The following VPS13B variants were observed in gnomAD, a reference collection of about 807,000 sequenced individuals.
VPS13B encodes the protein intermembrane lipid transfer protein VPS13B.
A neutral mutation model predicts 426.4 loss-of-function variants in VPS13B; 285 were observed. That is an observed-to-expected ratio of 0.67 (90% CI 0.61 to 0.74). The LOEUF is 0.74. Ranked by LOEUF, VPS13B falls within the 30% of genes least tolerant of loss-of-function variation. VPS13B has a pLI of 0.00. For synonymous variants in VPS13B, 1,676 were observed against 1,676.4 expected, an observed-to-expected ratio of 1.00 and a Z score of 0.01; for missense variants, 4,537 against 4,782.6, an observed-to-expected ratio of 0.95 and a Z score of 1.51.
At chr8:99,406,116 A>G (rs1034621689) in intron 21 of VPS13B, among the ~76,000 whole-genome samples, 5 of 151,980 alleles carry the variant, frequency 3.3e-5, no homozygotes, top group Admixed American at 2.6e-4. Context: ...AGTTTAGATG[A>G]TCAATAAAAA....
intron 3 of VPS13B, among the ~76,000 whole-genome samples, chr8:99,074,836 C>T (rs970960901): frequency 6.6e-6 from 1 of 151,888 alleles, no homozygotes; most frequent in Non-Finnish European, 1.5e-5. Context: ...AGGGTTTCAC[C>T]ATGTTGGTCA....
chr8:99,189,543 T>G (rs1486135089), intron 16 of VPS13B, among the ~76,000 whole-genome samples: 1 of 152,150 alleles, frequency 6.6e-6, no homozygotes. Flanking sequence ...AAGATTTTTT[T>G]TTGATAAATA....
At chr8:99,668,685 G>A (rs1022092465) in intron 35 of VPS13B, among the ~76,000 whole-genome samples, 32 of 151,902 alleles carry the variant, frequency 2.1e-4, no homozygotes, top group African/African-American at 7.0e-4. Context: ...TTTTCCCCTT[G>A]TACCCATTAG....
chr8:99,784,135 T>C (rs1002936855), intron 42 of VPS13B, among the ~76,000 whole-genome samples, 180 bp from the exon 43 acceptor site: 3 of 152,228 alleles, frequency 2.0e-5, no homozygotes, highest in African/African-American at 7.2e-5. Context: ...TTAAAATCTC[T>C]TAAAGGTATT....
At chr8:99,576,868 A>T (rs1825802449) in intron 32 of VPS13B, among the ~76,000 whole-genome samples, 1 of 152,176 alleles carries the variant, frequency 6.6e-6, no homozygotes, top group Non-Finnish European at 1.5e-5. Context: ...AAAGAAGTGA[A>T]ATTAATTAGT....
intron 30 of VPS13B, among the ~76,000 whole-genome samples, chr8:99,535,212 C>CA (rs915888663): frequency 2.0e-4 from 30 of 151,916 alleles, no homozygotes; most frequent in Admixed American, 3.3e-4. Context: ...ATGCTGTTAC[C>CA]AAAAAAATCC....
intron 35 of VPS13B, among the ~76,000 whole-genome samples, chr8:99,663,122 G>A (rs535361851): frequency 1.8e-4 from 28 of 152,158 alleles, no homozygotes; most frequent in African/African-American, 5.5e-4. Context: ...GCAATACCCC[G>A]CAAGGCATGA....
At chr8:99,243,156 G>A (rs1333177311) in intron 17 of VPS13B, among the ~76,000 whole-genome samples, 1 of 152,166 alleles carries the variant, frequency 6.6e-6, no homozygotes. Context: ...GGGATAAGAT[G>A]TTTCTGACAA....
intron 12 of VPS13B, among the ~76,000 whole-genome samples, chr8:99,142,281 C>G (rs1348969290): frequency 6.6e-6 from 1 of 152,062 alleles, no homozygotes; most frequent in Non-Finnish European, 1.5e-5. Context: ...AAACAAAATG[C>G]ATTATAAATT....
At chr8:99,498,109 G>T (rs1421730003) in intron 25 of VPS13B, among the ~76,000 whole-genome samples, 1 of 151,876 alleles carries the variant, frequency 6.6e-6, no homozygotes, top group African/African-American at 2.4e-5. Flanking sequence ...TAAATTATTG[G>T]CTACTTGATT....
At chr8:99,059,342 T>G (rs539523821) in intron 3 of VPS13B, among the ~76,000 whole-genome samples, 2 of 152,312 alleles carry the variant, frequency 1.3e-5, no homozygotes, top group Admixed American at 6.5e-5. Context: ...TTTGCCCTAA[T>G]TTTTGTATTT....
chr8:99,549,515 A>C (rs1357989955), intron 30 of VPS13B, among the ~76,000 whole-genome samples: 1 of 151,904 alleles, frequency 6.6e-6, no homozygotes, highest in Non-Finnish European at 1.5e-5. Flanking sequence ...ATATTATCTC[A>C]CTTAATTTTC....
intron 3 of VPS13B, among the ~76,000 whole-genome samples, chr8:99,051,638 G>A (rs1193257306): frequency 2.0e-5 from 3 of 152,172 alleles, no homozygotes; most frequent in East Asian, 1.9e-4. Context: ...CCATTTTCAC[G>A]ATATTGGTTC....
chr8:99,664,195 T>C (rs1298668692), intron 35 of VPS13B, among the ~76,000 whole-genome samples: 1 of 151,504 alleles, frequency 6.6e-6, no homozygotes, highest in Non-Finnish European at 1.5e-5. Flanking sequence ...TTAGTAGAGG[T>C]TGGGTTTCAA....
At chr8:99,806,471 T>C (rs1489114799) in intron 43 of VPS13B, among the ~76,000 whole-genome samples, 1 of 152,190 alleles carries the variant, frequency 6.6e-6, no homozygotes, top group African/African-American at 2.4e-5. Context: ...TGACTGCTCC[T>C]CTCCTTTCCT....
intron 55 of VPS13B, 140 bp downstream of exon 55, chr8:99,849,034 T>C (rs1349986053): frequency 1.2e-6 from 1 of 817,254 alleles, no homozygotes; most frequent in Admixed American, 2.0e-5. Flanking sequence ...AAAAATATGG[T>C]TATTAGCACT....
At chr8:99,764,384 T>C (rs962031421) in intron 39 of VPS13B, among the ~76,000 whole-genome samples, 1 of 151,950 alleles carries the variant, frequency 6.6e-6, no homozygotes, top group African/African-American at 2.4e-5. Flanking sequence ...CTAGATGTCT[T>C]TTTGTGTTAA....
chr8:99,430,035 C>G (rs769781500), intron 21 of VPS13B, among the ~76,000 whole-genome samples: 1 of 152,092 alleles, frequency 6.6e-6, no homozygotes, highest in Non-Finnish European at 1.5e-5. Context: ...TTCAGACATT[C>G]GTTGTTTTTG....
chr8:99,440,852 A>G (rs956833712), intron 22 of VPS13B, among the ~76,000 whole-genome samples: 6 of 152,118 alleles, frequency 3.9e-5, no homozygotes, highest in Non-Finnish European at 5.9e-5. Flanking sequence ...TTTTCAAGGT[A>G]GTATCAATAC....
Sources: allele counts gnomAD v4.1 joint callset (sites outside exome capture counted in the v4.1 genomes callset), GRCh38; gene constraint gnomAD v4.1.1; transcripts MANE v1.5; gene names NCBI Gene and HGNC (gene_info 2026-07-23, HGNC 2026-07-21).